PPP1R16B: variants seen among roughly 807,000 people sequenced by gnomAD.
The protein encoded by PPP1R16B is protein phosphatase 1 regulatory subunit 16B.
PPP1R16B carries 14 observed loss-of-function variants against 61.7 expected under a neutral mutation model. That is an observed-to-expected ratio of 0.23 (90% confidence interval 0.15 to 0.35). The LOEUF is 0.35. PPP1R16B is among the 10% of genes least tolerant of loss of function. The pLI is 1.00. For missense variants in PPP1R16B, 547 were observed against 752.5 expected, an observed-to-expected ratio of 0.73 and a Z score of 3.19; for synonymous variants, 266 against 305.3, an observed-to-expected ratio of 0.87 and a Z score of 1.34.
intron 2 of PPP1R16B, among the ~76,000 whole-genome samples, chr20:38,840,226 G>A (rs2084901020): frequency 6.6e-6 from 1 of 152,204 alleles, no homozygotes; most frequent in Admixed American, 6.5e-5. Flanking sequence ...GTGTTTGGGA[G>A]GCTGCCGGGG....
chr20:38,834,057 C>A (rs2084853961), intron 1 of PPP1R16B, among the ~76,000 whole-genome samples: 1 of 152,262 alleles, frequency 6.6e-6, no homozygotes, highest in South Asian at 2.1e-4. Flanking sequence ...CAACCATAAA[C>A]CAGCCTTGCC....
intron 2 of PPP1R16B, among the ~76,000 whole-genome samples, chr20:38,837,134 T>C (rs1174995774): frequency 1.3e-5 from 2 of 152,214 alleles, no homozygotes; most frequent in African/African-American, 2.4e-5. Context: ...TGTAGAGGGA[T>C]GGACTCTGAA....
chr20:38,897,148 A>G (rs1470139646), intron 4 of PPP1R16B, among the ~76,000 whole-genome samples: 1 of 152,004 alleles, frequency 6.6e-6, no homozygotes, highest in Non-Finnish European at 1.5e-5. Flanking sequence ...CTGCACCTCA[A>G]ATAAATAAAT....
At chr20:38,807,019 G>A (rs2145698699) in intron 1 of PPP1R16B, among the ~76,000 whole-genome samples, 1 of 152,306 alleles carries the variant, frequency 6.6e-6, no homozygotes, top group African/African-American at 2.4e-5. Flanking sequence ...GCTCTCCGCG[G>A]CTCTGGACAC....
At chr20:38,831,963 T>A (rs117386150) in intron 1 of PPP1R16B, among the ~76,000 whole-genome samples, 314 of 152,274 alleles carry the variant, frequency 2.1e-3, no homozygotes, top group Middle Eastern at 0.014. Flanking sequence ...GTTTCCAGAG[T>A]TCCCTCCATT....
At chr20:38,884,812 C>A (rs1040595824) in intron 2 of PPP1R16B, among the ~76,000 whole-genome samples, 2 of 151,744 alleles carry the variant, frequency 1.3e-5, no homozygotes, top group African/African-American at 4.8e-5. Context: ...CGGCTCACAC[C>A]TGTAATCCCA....
chr20:38,896,461 C>T (rs1296173048), intron 4 of PPP1R16B, among the ~76,000 whole-genome samples: 1 of 151,866 alleles, frequency 6.6e-6, no homozygotes, highest in East Asian at 1.9e-4. Context: ...CCTTTACTCT[C>T]CCCATCTCTG....
intron 2 of PPP1R16B, among the ~76,000 whole-genome samples, chr20:38,861,375 A>G (rs914436105): frequency 6.6e-6 from 1 of 152,182 alleles, no homozygotes; most frequent in Non-Finnish European, 1.5e-5. Flanking sequence ...TGAGGGAGGT[A>G]GATTTGATCT....
At chr20:38,900,486 A>G (rs1237128530) in intron 4 of PPP1R16B, 95 bp from the exon 5 acceptor site, 2 of 903,758 alleles carry the variant, frequency 2.2e-6, no homozygotes, top group African/African-American at 1.7e-5. Flanking sequence ...GCCGGGTTGT[A>G]CAGTAGGATT....
chr20:38,867,860 A>G (rs1361581684), intron 2 of PPP1R16B, among the ~76,000 whole-genome samples: 1 of 152,080 alleles, frequency 6.6e-6, no homozygotes, highest in East Asian at 1.9e-4. Flanking sequence ...TTTAGTAGAG[A>G]CGGGGTTTCA....
chr20:38,856,340 A>G (rs1438984106), intron 2 of PPP1R16B, among the ~76,000 whole-genome samples: 7 of 152,180 alleles, frequency 4.6e-5, no homozygotes, highest in Admixed American at 4.6e-4. Flanking sequence ...GACCTGTTCC[A>G]GTTGCCTTCA....
Position 38,907,698 on chromosome 20 carries a change from G to A in PPP1R16B, c.899-108G>A. ...TGCCTCCCTGCATGCCCTGAAAGAT[G>A]CTTGGAGTTTTCAGTGGGTTGGGGT... On this transcript the variant is annotated intron_variant, in intron 8 of 10. Coordinates refer to ENST00000299824, the MANE Select transcript of PPP1R16B (RefSeq NM_015568.4). This position sits in a 1 kb window ranked among gnomAD's most constrained non-coding sequence, Gnocchi z 4.5. 1 of 1,418,920 alleles carries A rather than the reference G, an allele frequency of 7.0e-7. No homozygotes were observed. Among genetic ancestry groups the A allele is most frequent in the Non-Finnish European group, 9.7e-7 (1 of 1,033,590 alleles). The allele number at this position is 1,418,920 out of a possible 1,614,324, so 87.9% of individuals were successfully genotyped here. A position where few individuals can be genotyped will look rare whatever the true frequency, so the allele number is the denominator to read the frequency against.
chr20:38,858,638 G>A (rs2085025152), intron 2 of PPP1R16B, among the ~76,000 whole-genome samples: 1 of 150,988 alleles, frequency 6.6e-6, no homozygotes, highest in Admixed American at 6.6e-5. Flanking sequence ...TTGGAGGAAG[G>A]GGATATGATT....
intron 2 of PPP1R16B, among the ~76,000 whole-genome samples, chr20:38,887,716 C>T (rs1277510824): frequency 5.3e-5 from 8 of 152,244 alleles, no homozygotes; most frequent in Non-Finnish European, 7.3e-5. Context: ...TTGGTCAGGA[C>T]AGCGCCAAAG....
At chr20:38,867,398 T>C (rs929587799) in intron 2 of PPP1R16B, among the ~76,000 whole-genome samples, 1 of 152,206 alleles carries the variant, frequency 6.6e-6, no homozygotes, top group Non-Finnish European at 1.5e-5. Flanking sequence ...GTTCAGATGC[T>C]GGGATCTGGA....
At chr20:38,898,485 T>A (rs1045937599) in intron 4 of PPP1R16B, among the ~76,000 whole-genome samples, 5 of 152,182 alleles carry the variant, frequency 3.3e-5, no homozygotes, top group African/African-American at 1.2e-4. Context: ...AGATTCCCTA[T>A]GAATTTTAGA....
At chr20:38,908,004 C>T in intron 9 of PPP1R16B, 24 bp from the exon 10 acceptor site, 2 of 1,614,086 alleles carry the variant, frequency 1.2e-6, no homozygotes, top group Admixed American at 3.3e-5. Flanking sequence ...GGTGCAGCCT[C>T]TAGGACCCAC....
rs117538433 is a variant in PPP1R16B at position 38,887,917 on chromosome 20, G to A, written c.251-1678G>A. On this transcript the variant is annotated intron_variant, in intron 2 of 10. Transcript: ENST00000299824. The stretch of plus-strand genomic sequence containing the variant: ...TTTGGGAGCTGGGCCTCATGAGGAT[G>A]GAGCTGAGGGGCTGTACCCCCACCC... 1.7e-3 allele frequency among the ~76,000 whole-genome samples: 265 copies of A among 152,296 alleles called. 1 individual carries two copies. The highest frequency in any genetic ancestry group is 2.9e-3 in the Non-Finnish European group (198 of 68,004).
intron 2 of PPP1R16B, among the ~76,000 whole-genome samples, chr20:38,855,976 A>AG (rs2085005323): frequency 7.8e-5 from 2 of 25,728 alleles, no homozygotes; most frequent in Admixed American, 3.9e-4. Flanking sequence ...AGAGAGAGAG[A>AG]GAGAGAAGGA....
Sources: gnomAD v4.1 joint callset for allele counts (sites outside exome capture counted in the v4.1 genomes callset) on GRCh38, gnomAD v4.1.1 for gene constraint, Gnocchi (gnomAD v3.1) non-coding constraint, MANE v1.5 for transcripts, NCBI Gene and HGNC (gene_info 2026-07-23, HGNC 2026-07-21) for gene names.